The following PCDH9 variants were observed in gnomAD, a reference collection of about 807,000 sequenced individuals.
PCDH9 encodes the protein protocadherin-9.
In PCDH9, 24 loss-of-function variants were observed where a neutral mutation model predicts 70.6. The ratio of observed to expected loss-of-function variants is 0.34; its 90% CI spans 0.25 to 0.48. The LOEUF (loss-of-function observed/expected upper bound fraction) is 0.48. Among genes scored for constraint, PCDH9 ranks in the 20% least tolerant of loss-of-function variants. The pLI is 0.99. For synonymous variants in PCDH9, 562 were observed against 558.5 expected (o/e 1.01, Z -0.09); for missense variants, 1,281 against 1,503.6 (o/e 0.85, Z 2.45).
intron 3 of PCDH9, among the ~76,000 whole-genome samples, chr13:66,787,666 T>C (rs986552492): frequency 6.6e-6 from 1 of 152,030 alleles, no homozygotes; most frequent in African/African-American, 2.4e-5. Flanking sequence ...ATTTGCTGCT[T>C]TATTTTAGTA....
At chr13:67,156,984 C>T (rs115019678) in intron 2 of PCDH9, among the ~76,000 whole-genome samples, 216 of 152,352 alleles carry the variant, frequency 1.4e-3, no homozygotes, top group African/African-American at 5.0e-3. Context: ...ATCGCTTTAA[C>T]ACATTTCCTC....
chr13:66,347,074 A>G (rs1409172430), intron 4 of PCDH9, among the ~76,000 whole-genome samples: 1 of 152,196 alleles, frequency 6.6e-6, no homozygotes, highest in Non-Finnish European at 1.5e-5. Flanking sequence ...AACAAGTACT[A>G]TGTATTACAA....
At chr13:66,379,127 G>C (rs1023492664) in intron 4 of PCDH9, among the ~76,000 whole-genome samples, 13 of 152,216 alleles carry the variant, frequency 8.5e-5, no homozygotes, top group African/African-American at 3.1e-4. Flanking sequence ...GGGCAGAAGA[G>C]TCATATGCTA....
At chr13:66,397,834 G>T (rs2138286390) in intron 4 of PCDH9, among the ~76,000 whole-genome samples, 1 of 151,732 alleles carries the variant, frequency 6.6e-6, no homozygotes, top group South Asian at 2.1e-4. Context: ...TCATATGAAT[G>T]CAAAATAACA....
intron 2 of PCDH9, among the ~76,000 whole-genome samples, chr13:66,970,206 A>G (rs1241288771): frequency 1.3e-5 from 2 of 152,076 alleles, no homozygotes; most frequent in African/African-American, 4.8e-5. Flanking sequence ...TAGTGTGATG[A>G]TTATTACTTT....
chr13:66,559,509 C>T (rs1220423375), intron 4 of PCDH9, among the ~76,000 whole-genome samples: 5 of 151,998 alleles, frequency 3.3e-5, no homozygotes, highest in African/African-American at 7.2e-5. Flanking sequence ...CTTAAAAATA[C>T]GGATCAGGAG....
chr13:66,441,665 A>G (rs557253037), intron 4 of PCDH9, among the ~76,000 whole-genome samples: 29 of 152,188 alleles, frequency 1.9e-4, no homozygotes, highest in African/African-American at 6.0e-4. Context: ...ATTCAGGACA[A>G]AAACTACCAT....
At chr13:67,218,184 T>A (rs2089649962) in intron 2 of PCDH9, 1 of 152,048 alleles carries the variant, frequency 6.6e-6, no homozygotes, top group Non-Finnish European at 1.5e-5. Flanking sequence ...TCTAAGAGCT[T>A]ATGAAGGGTT....
In PCDH9 at chr13:67,225,950, A is replaced by C; in HGVS notation, c.2491T>G (p.Phe831Val). 6.2e-7 allele frequency: 1 copy of C among 1,614,148 alleles called. No homozygotes were observed. Among genetic ancestry groups the C allele is most frequent in the Non-Finnish European group, 8.5e-7 (1 of 1,180,036 alleles). The change falls in exon 2 of 5, where the codon TTC becomes GTC. Residue 831 changes from phenylalanine (F) to valine (V), a missense_variant. Physicochemically the swap from Phe to Val is conservative, Grantham distance 50. Coordinates refer to ENST00000377865, the MANE Select transcript of PCDH9 (RefSeq NM_203487.3). ...CGACAGCGCACCAGAACGGTGACGA[A>C]GATCACAACAATGACCACCATGGCA... ...AGAMVVIVVI[F>V]VTVLVRCRHA...
intron 2 of PCDH9, among the ~76,000 whole-genome samples, chr13:67,009,264 G>A (rs979367023): frequency 6.6e-6 from 1 of 151,982 alleles, no homozygotes; most frequent in Non-Finnish European, 1.5e-5. Context: ...ATTGAGAAGC[G>A]CAATTCTAAC....
At chr13:67,001,326 CTT>C (rs764629473) in intron 2 of PCDH9, among the ~76,000 whole-genome samples, 12 of 151,922 alleles carry the variant, frequency 7.9e-5, no homozygotes, top group Non-Finnish European at 1.3e-4. Context: ...AAAATTGTGT[CTT>C]GAGAGTTTTA....
chr13:66,304,885 C>T lies in PCDH9; in HGVS notation c.3484G>A (p.Ala1162Thr), dbSNP rs140741234. ...TTCTTCACCCATTCTTTCTGGGGTGCAAAGGTTGAGAGAGGAGATTTGGGG... is the reference window on the plus strand; with the variant it reads ...TTCTTCACCCATTCTTTCTGGGGTGTAAAGGTTGAGAGAGGAGATTTGGGG... ...QHPKSPLSTF[A>T]PQKEWVKKDK... The change falls in exon 5 of 5, where the codon GCA (alanine) becomes ACA (threonine). Residue 1162 changes from alanine to threonine, a missense_variant. Physicochemically the swap from Ala to Thr is moderately conservative, Grantham distance 58. Coordinates refer to ENST00000377865, the MANE Select transcript of PCDH9 (RefSeq NM_203487.3). The T allele has an allele frequency of 3.1e-6, 5 of 1,613,372 alleles. No homozygotes were observed. The African/African-American group carries it at 6.7e-5, about 22-fold the overall frequency.
chr13:67,066,061 C>T (rs1009769055), intron 2 of PCDH9, among the ~76,000 whole-genome samples: 9 of 152,090 alleles, frequency 5.9e-5, no homozygotes, highest in African/African-American at 1.9e-4. Flanking sequence ...CTAAACACCC[C>T]TACCTTAAGA....
At chr13:66,320,104 A>G (rs1955726662) in intron 4 of PCDH9, among the ~76,000 whole-genome samples, 1 of 152,152 alleles carries the variant, frequency 6.6e-6, no homozygotes. Flanking sequence ...TGTCTTTAAT[A>G]TTTTAGTAAA....
chr13:66,592,080 G>A (rs187362924), intron 4 of PCDH9, among the ~76,000 whole-genome samples: 3 of 151,700 alleles, frequency 2.0e-5, no homozygotes, highest in Non-Finnish European at 3.0e-5. Flanking sequence ...CTCTGTAGTA[G>A]TACTTATCAA....
chr13:66,523,801 G>A (rs572987088), intron 4 of PCDH9, among the ~76,000 whole-genome samples: 122 of 151,558 alleles, frequency 8.0e-4, no homozygotes, highest in Non-Finnish European at 1.5e-3. Context: ...AGACACAGAG[G>A]GAAAAAACTT....
chr13:66,794,802 G>A (rs776679368), intron 3 of PCDH9, among the ~76,000 whole-genome samples: 5 of 151,992 alleles, frequency 3.3e-5, no homozygotes, highest in Non-Finnish European at 5.9e-5. Context: ...CTTTTGCTCT[G>A]TTATTACCAT....
At chr13:66,727,439 C>A (rs891335381) in intron 3 of PCDH9, among the ~76,000 whole-genome samples, 1 of 151,882 alleles carries the variant, frequency 6.6e-6, no homozygotes, top group African/African-American at 2.4e-5. Flanking sequence ...TCTATGCTTT[C>A]TTTTTCAAAA....
chr13:67,186,962 C>T (rs2088775401), intron 2 of PCDH9, among the ~76,000 whole-genome samples: 1 of 152,196 alleles, frequency 6.6e-6, no homozygotes, highest in African/African-American at 2.4e-5. Flanking sequence ...AGGGAGACAT[C>T]ATTAACTTTA....
Sources: gnomAD v4.1 joint callset for allele counts (sites outside exome capture counted in the v4.1 genomes callset) on GRCh38, gnomAD v4.1.1 for gene constraint, MANE v1.5 for transcripts, NCBI Gene and HGNC (gene_info 2026-07-23, HGNC 2026-07-21) for gene names.